The following NAA20 variants were observed in gnomAD, a reference collection of about 807,000 sequenced individuals.
The protein encoded by NAA20 is N-alpha-acetyltransferase 20, NatB catalytic subunit.
In NAA20, 24 loss-of-function variants were observed where a neutral mutation model predicts 23.8. The ratio of observed to expected loss-of-function variants is 1.01; its 90% CI spans 0.73 to 1.42. NAA20 has a LOEUF of 1.42. Among genes scored for constraint, NAA20 ranks in the 40% most tolerant of loss-of-function variants. The pLI is 0.00. For missense variants in NAA20, 166 were observed against 223.1 expected, an observed-to-expected ratio of 0.74 and a Z score of 1.63; for synonymous variants, 83 against 77.7, an observed-to-expected ratio of 1.07 and a Z score of -0.36.
intron 4 of NAA20, among the ~76,000 whole-genome samples, chr20:20,028,433 C>G (rs1340319077): frequency 1.3e-5 from 2 of 151,902 alleles, no homozygotes; most frequent in East Asian, 3.9e-4. Context: ...ACGCGTATAC[C>G]TATGTAACAA....
At position 20,033,298 on chromosome 20, in the gene NAA20, A is replaced by C; in HGVS notation, c.*111A>C. 1.3e-6 allele frequency: 1 copy of C among 799,310 alleles called. No individual in the cohort carries two copies. The highest frequency in any genetic ancestry group is 2.0e-6 in the Non-Finnish European group (1 of 501,814). The allele number at this position is 799,310 out of a possible 1,614,324, so 49.5% of individuals were successfully genotyped here. A position where few individuals can be genotyped will look rare whatever the true frequency, so the allele number is the denominator to read the frequency against. On this transcript the variant is annotated 3_prime_UTR_variant, in exon 6 of 6. Coordinates refer to ENST00000334982, the MANE Select transcript of NAA20 (RefSeq NM_016100.5). ...AGAAAAGTAATCATTTTAGGTCTTA[A>C]AGACTTCAAGAAAATACAGGTTATC...
In NAA20 at chr20:20,017,807, T is replaced by C. The variant is rs1568743936; in HGVS notation, c.53+358T>C. On this transcript the variant is annotated intron_variant, in intron 1 of 5. Transcript: ENST00000334982. The stretch of plus-strand genomic sequence containing the variant: ...GAGACGCGGCCTGGAGCCCACGACC[T>C]GGGCTTCTCGCCCTGCCCTACTGCT... 9 of 1,460,144 alleles carry C rather than the reference T, an allele frequency of 6.2e-6. No individual in the cohort carries two copies. The African/African-American group carries it at 1.1e-4, about 18-fold the overall frequency. 90.4% of individuals were successfully genotyped at this position (1,460,144 alleles called of 1,614,324 possible).
chr20:20,021,033 G>A (rs1007286265), intron 1 of NAA20, among the ~76,000 whole-genome samples: 9 of 119,828 alleles, frequency 7.5e-5, no homozygotes, highest in Admixed American at 5.0e-4. Context: ...CGTGGGTTCG[G>A]TGGGCGGGGG....
chr20:20,029,953 C>T (rs2043331896), intron 4 of NAA20, among the ~76,000 whole-genome samples: 1 of 152,074 alleles, frequency 6.6e-6, no homozygotes, highest in Admixed American at 6.5e-5. Context: ...AAGGCAGTAG[C>T]AAAATAGGTT....
rs371762351 is a variant in NAA20, at chr20:20,022,494, C to CA, written c.78+26dup. 106,152 of 1,008,652 alleles carry CA rather than the reference C, an allele frequency of 0.11. 1 individual carries two copies. The highest frequency in any genetic ancestry group is 0.13 in the South Asian group (7,017 of 55,754). The allele number at this position is 1,008,652 out of a possible 1,614,324, so 62.5% of individuals were successfully genotyped here. On this transcript the variant is annotated intron_variant, in intron 2 of 5. Coordinates refer to ENST00000334982, the MANE Select transcript of NAA20 (RefSeq NM_016100.5). ...CTTACAGAAACTGTATCCTTTTTTA[C>CA]AAAAAAAAAAAAGTTGAATGAAGAT... is the stretch of plus-strand genomic sequence containing the variant.
chr20:20,022,408 G>T (rs760892816), intron 1 of NAA20, 48 bp from the exon 2 acceptor site: 1 of 1,546,796 alleles, frequency 6.5e-7, no homozygotes, highest in Non-Finnish European at 8.7e-7. Context: ...ATTTCAACTG[G>T]TTATTGTAAA....
At chr20:20,029,576 C>T (rs1244183800) in intron 4 of NAA20, among the ~76,000 whole-genome samples, 3 of 149,026 alleles carry the variant, frequency 2.0e-5, no homozygotes, top group Non-Finnish European at 3.0e-5. Flanking sequence ...AAGATCACGC[C>T]ATTGCACTCC....
intron 2 of NAA20, 80 bp from the exon 3 acceptor site, chr20:20,025,597 A>G: frequency 9.8e-7 from 1 of 1,022,410 alleles, no homozygotes; most frequent in Non-Finnish European, 1.5e-6. Flanking sequence ...TACTTTTTAA[A>G]GGAAACTTTT....
chr20:20,017,862 C>T (rs2043242373), intron 1 of NAA20: 2 of 1,564,890 alleles, frequency 1.3e-6, no homozygotes, highest in African/African-American at 1.3e-5. Context: ...CGCGCCTCTT[C>T]TGGGCAGAGG....
intron 1 of NAA20, 134 bp from the exon 2 acceptor site, chr20:20,022,322 A>G (rs1277994739): frequency 3.9e-6 from 3 of 776,154 alleles, no homozygotes; most frequent in Admixed American, 3.2e-5. Flanking sequence ...CCTCAGCCCT[A>G]AAGTTGGCCT....
rs780829514 is a variant in NAA20, at chr20:20,022,445, GTTTC to G, written c.54-6_54-3del. ...GCTGCTTACTAGAGACATTTCTCTT[GTTTC>G]TTTCAGTAACTTGGATCCACTTACA... On this transcript the variant is annotated splice_polypyrimidine_tract_variant and splice_region_variant and intron_variant, in intron 1 of 5. Coordinates refer to ENST00000334982, the MANE Select transcript of NAA20 (RefSeq NM_016100.5). 5.1e-6 allele frequency: 8 copies of G among 1,583,798 alleles called. No homozygotes were observed. Among genetic ancestry groups the G allele is most frequent in the South Asian group, 1.2e-5 (1 of 85,454 alleles).
chr20:20,018,039 A>G, intron 1 of NAA20: 2 of 1,614,194 alleles, frequency 1.2e-6, no homozygotes, highest in Non-Finnish European at 8.5e-7. Flanking sequence ...TGTCTCAGTC[A>G]TGGTTAGTGT....
At chr20:20,025,060 G>T (rs1484853566) in intron 2 of NAA20, among the ~76,000 whole-genome samples, 3 of 152,152 alleles carry the variant, frequency 2.0e-5, no homozygotes, top group Non-Finnish European at 4.4e-5. Context: ...AAATTATTCA[G>T]GCATTTACTG....
At chr20:20,031,256 G>GT (rs1398800986) in intron 4 of NAA20, among the ~76,000 whole-genome samples, 1 of 152,120 alleles carries the variant, frequency 6.6e-6, no homozygotes, top group African/African-American at 2.4e-5. Context: ...CTAGACCAGT[G>GT]TTACAGAATT....
intron 5 of NAA20, 148 bp downstream of exon 5, chr20:20,032,801 T>C: frequency 2.8e-6 from 3 of 1,058,610 alleles, no homozygotes; most frequent in African/African-American, 1.6e-5. Flanking sequence ...AACCTATTAG[T>C]AGTAGTAATT....
intron 1 of NAA20, chr20:20,017,742 T>C (rs2043241302): frequency 1.4e-6 from 2 of 1,431,824 alleles, no homozygotes; most frequent in Non-Finnish European, 1.8e-6. Context: ...CCTCCGCTCG[T>C]GGTCGCTGTC....
At chr20:20,020,965 C>T (rs947708310) in intron 1 of NAA20, among the ~76,000 whole-genome samples, 2 of 149,548 alleles carry the variant, frequency 1.3e-5, no homozygotes, top group African/African-American at 2.5e-5. Context: ...GTCTCTCGCC[C>T]GCACTCCGTG....
chr20:20,029,616 C>CAAAAAA (rs59199004), intron 4 of NAA20, among the ~76,000 whole-genome samples: 1 of 125,416 alleles, frequency 8.0e-6, no homozygotes, highest in Non-Finnish European at 1.7e-5. Context: ...GACTCCATCT[C>CAAAAAA]AAAAAAAAAA....
intron 1 of NAA20, chr20:20,018,109 G>T: frequency 4.4e-6 from 7 of 1,607,346 alleles, no homozygotes; most frequent in Non-Finnish European, 5.1e-6. Flanking sequence ...TCTGTGAGGA[G>T]TCACGGCAGA....
Sources: allele counts gnomAD v4.1 joint callset (sites outside exome capture counted in the v4.1 genomes callset), GRCh38; gene constraint gnomAD v4.1.1; transcripts MANE v1.5; gene names NCBI Gene and HGNC (gene_info 2026-07-23, HGNC 2026-07-21).